The following ZFYVE28 variants were observed in gnomAD, a reference collection of about 807,000 sequenced individuals.
ZFYVE28 encodes lateral signaling target protein 2 homolog.
Under a neutral mutation model 82.1 loss-of-function variants are expected in ZFYVE28, and 40 were observed. The ratio of observed to expected loss-of-function variants is 0.49; its 90% CI spans 0.38 to 0.63. The LOEUF (loss-of-function observed/expected upper bound fraction) is 0.63. ZFYVE28 is among the 30% of genes least tolerant of loss of function. The probability of loss-of-function intolerance (pLI) is 0.00; values close to 1 mark genes in which losing one functional copy is unlikely to be tolerated. For synonymous variants in ZFYVE28, 612 were observed against 546.1 expected, an observed-to-expected ratio of 1.12 and a Z score of -1.68; for missense variants, 1,321 against 1,242.1, an observed-to-expected ratio of 1.06 and a Z score of -0.96.
chr4:2,291,318 T>C (rs2108811344), intron 8 of ZFYVE28, among the ~76,000 whole-genome samples: 1 of 152,300 alleles, frequency 6.6e-6, no homozygotes, highest in Admixed American at 6.5e-5. Flanking sequence ...ATTTTCCTGG[T>C]CCCATGGGGT....
intron 1 of ZFYVE28, among the ~76,000 whole-genome samples, chr4:2,369,686 C>T (rs1057106919): frequency 1.3e-5 from 2 of 151,896 alleles, no homozygotes; most frequent in East Asian, 1.9e-4. Context: ...ATCGGTGTGA[C>T]GGGCCTGTAA....
chr4:2,305,765 T>C (rs182659042), intron 7 of ZFYVE28, among the ~76,000 whole-genome samples: 1 of 152,368 alleles, frequency 6.6e-6, no homozygotes, highest in East Asian at 1.9e-4. Context: ...GGGATTCTAG[T>C]ACAGTTTCTT....
intron 2 of ZFYVE28, among the ~76,000 whole-genome samples, chr4:2,350,357 G>A (rs1039306385): frequency 4.6e-5 from 7 of 152,172 alleles, no homozygotes; most frequent in South Asian, 2.1e-4. Context: ...CCAGCTACTC[G>A]GGAGGCTGAG....
intron 8 of ZFYVE28, among the ~76,000 whole-genome samples, chr4:2,297,736 G>A (rs1455216895): frequency 1.3e-5 from 2 of 152,116 alleles, no homozygotes; most frequent in Non-Finnish European, 2.9e-5. Flanking sequence ...AACGGCAGAG[G>A]ACGAGCAGTG....
At chr4:2,324,406 C>G (rs1251969646) in intron 6 of ZFYVE28, 1 of 153,456 alleles carries the variant, frequency 6.5e-6, no homozygotes, top group Non-Finnish European at 1.5e-5. Flanking sequence ...AAGGTTATAT[C>G]CACATCGTAC....
Position 2,332,261 on chromosome 4 carries a change from G to A in ZFYVE28, c.701+3444C>T, listed in dbSNP as rs1013746649. 6.6e-6 allele frequency among the ~76,000 whole-genome samples: 1 copy of A among 152,142 alleles called. No homozygotes were observed. The highest frequency in any genetic ancestry group is 1.5e-5 in the Non-Finnish European group (1 of 68,008). ...CAGGATGCCCACTTCACAGAGGCAG[G>A]ATCCTGCGAGGGTGTGGGCCCAGGA... is the stretch of plus-strand genomic sequence containing the variant. On this transcript the variant is annotated intron_variant, in intron 6 of 12. Transcript: ENST00000290974. The surrounding 1 kb of genome is among the most constrained non-coding windows in gnomAD (Gnocchi z 4.7).
intron 8 of ZFYVE28, among the ~76,000 whole-genome samples, chr4:2,290,390 G>A (rs898923880): frequency 6.6e-6 from 1 of 152,174 alleles, no homozygotes; most frequent in Non-Finnish European, 1.5e-5. Flanking sequence ...GGTGAGACAG[G>A]CAGGTTGCAG....
chr4:2,375,244 C>A (rs1727997465), intron 1 of ZFYVE28, among the ~76,000 whole-genome samples: 1 of 152,202 alleles, frequency 6.6e-6, no homozygotes, highest in African/African-American at 2.4e-5. Flanking sequence ...TATCCTCAAG[C>A]CCTCTTTTTA....
chr4:2,313,881 G>A (rs1004553957), intron 7 of ZFYVE28, among the ~76,000 whole-genome samples: 1 of 150,870 alleles, frequency 6.6e-6, no homozygotes, highest in Non-Finnish European at 1.5e-5. Context: ...CGTGAATTCT[G>A]GCAATTGTTG....
intron 8 of ZFYVE28, among the ~76,000 whole-genome samples, chr4:2,279,736 ATG>A (rs1004913463): frequency 6.6e-6 from 1 of 151,660 alleles, no homozygotes; most frequent in African/African-American, 2.4e-5. Flanking sequence ...AGCCGAGATC[ATG>A]CCACTGCACT....
intron 6 of ZFYVE28, among the ~76,000 whole-genome samples, chr4:2,322,178 G>T (rs1037752931): frequency 6.6e-6 from 1 of 152,244 alleles, no homozygotes; most frequent in African/African-American, 2.4e-5. Context: ...TCAGGCCCAG[G>T]TGCTGAAGTA....
At chr4:2,399,106 T>G (rs1382228504) in intron 1 of ZFYVE28, among the ~76,000 whole-genome samples, 18 of 6,238 alleles carry the variant, frequency 2.9e-3, no homozygotes, top group East Asian at 5.0e-3. Flanking sequence ...GGGCACAAGC[T>G]GGGGCAAGAT....
intron 1 of ZFYVE28, among the ~76,000 whole-genome samples, chr4:2,369,830 G>A (rs1201144298): frequency 3.6e-5 from 1 of 27,754 alleles, no homozygotes; most frequent in African/African-American, 1.7e-4. Flanking sequence ...TTTGAAAGAA[G>A]GGATTTTTTT....
Position 2,372,568 on chromosome 4 carries a change from C to T in ZFYVE28, c.40-18495G>A, listed in dbSNP as rs1346653244. On this transcript the variant is annotated intron_variant, in intron 1 of 12. Coordinates refer to ENST00000290974, the MANE Select transcript of ZFYVE28 (RefSeq NM_020972.3). This position sits in a 1 kb window ranked among gnomAD's most constrained non-coding sequence, Gnocchi z 5.2. ...ATCACCCCATCATGTGGGAGGGGTACACAGAGGTGCGGGCAGGCAGGGGTG... is the reference window on the plus strand; with the variant it reads ...ATCACCCCATCATGTGGGAGGGGTATACAGAGGTGCGGGCAGGCAGGGGTG... 6.6e-6 allele frequency among the ~76,000 whole-genome samples: 1 copy of T among 151,918 alleles called. No individual in the cohort carries two copies. The highest frequency in any genetic ancestry group is 6.5e-5 in the Admixed American group (1 of 15,268).
chr4:2,365,641 G>A (rs1726798078), intron 1 of ZFYVE28, among the ~76,000 whole-genome samples: 1 of 152,108 alleles, frequency 6.6e-6, no homozygotes, highest in South Asian at 2.1e-4. Context: ...GGAACAGCTC[G>A]CCCCACTCAT....
chr4:2,411,228 C>G (rs1578428849), intron 1 of ZFYVE28, among the ~76,000 whole-genome samples: 1 of 149,618 alleles, frequency 6.7e-6, no homozygotes, highest in Non-Finnish European at 1.5e-5. Flanking sequence ...AGGGGCCCCC[C>G]CACTTGATGT....
chr4:2,373,214 T>A (rs893331417), intron 1 of ZFYVE28, among the ~76,000 whole-genome samples: 4 of 152,240 alleles, frequency 2.6e-5, no homozygotes, highest in Non-Finnish European at 5.9e-5. Flanking sequence ...ATAAAAAGTA[T>A]GAGCTGGGTG....
chr4:2,392,984 A>G (rs1729996416), intron 1 of ZFYVE28, among the ~76,000 whole-genome samples: 1 of 152,262 alleles, frequency 6.6e-6, no homozygotes, highest in African/African-American at 2.4e-5. Context: ...ATCTCTTTCC[A>G]GATTCAGGCA....
chr4:2,369,179 G>T (rs1176172141), intron 1 of ZFYVE28, among the ~76,000 whole-genome samples: 1 of 152,210 alleles, frequency 6.6e-6, no homozygotes, highest in Non-Finnish European at 1.5e-5. Context: ...CTTCCTCCTG[G>T]TGACATCTGT....
Sources: allele counts gnomAD v4.1 joint callset (sites outside exome capture counted in the v4.1 genomes callset), GRCh38; gene constraint gnomAD v4.1.1; non-coding constraint Gnocchi (gnomAD v3.1); transcripts MANE v1.5; gene names NCBI Gene and HGNC (gene_info 2026-07-23, HGNC 2026-07-21).